Variants in DYSF observed in about 807,000 individuals in gnomAD.
The protein encoded by DYSF is dystrophy-associated fer-1-like 1.
A neutral mutation model predicts 274.9 loss-of-function variants in DYSF; 212 were observed. That is an observed-to-expected ratio of 0.77 (90% CI 0.69 to 0.86). The LOEUF (loss-of-function observed/expected upper bound fraction) is 0.86, where lower values mean the gene tolerates loss of function less well. Ranked by LOEUF, DYSF falls within the 40% of genes least tolerant of loss-of-function variation. The pLI is 0.00. For synonymous variants in DYSF, 1,091 were observed against 1,078.7 expected (o/e 1.01, Z -0.22); for missense variants, 2,666 against 2,783.2 (o/e 0.96, Z 0.95).
chr2:71,641,472 G>C (rs1356346060), intron 41 of DYSF, among the ~76,000 whole-genome samples: 2 of 151,990 alleles, frequency 1.3e-5, no homozygotes, highest in African/African-American at 4.8e-5. Flanking sequence ...CTATTTTAAT[G>C]GTCTTTTGAA....
At chr2:71,520,972 C>G in intron 12 of DYSF, 68 bp downstream of exon 12, 1 of 1,336,904 alleles carries the variant, frequency 7.5e-7, no homozygotes, top group Non-Finnish European at 1.1e-6. Flanking sequence ...GGCACCAAAC[C>G]ACAAACAAAA....
chr2:71,562,503 C>T (rs995687089), intron 23 of DYSF, among the ~76,000 whole-genome samples: 2 of 152,192 alleles, frequency 1.3e-5, no homozygotes, highest in African/African-American at 4.8e-5. Context: ...GCAGACCCTC[C>T]CCCTGAGGTC....
At chr2:71,572,550 C>T (rs1047962987) in intron 29 of DYSF, among the ~76,000 whole-genome samples, 2 of 152,250 alleles carry the variant, frequency 1.3e-5, no homozygotes, top group Admixed American at 6.5e-5. Flanking sequence ...GCAGTGCCCT[C>T]GGGAGTGTGA....
chr2:71,548,883 G>A (rs981787397), intron 17 of DYSF, among the ~76,000 whole-genome samples: 4 of 152,222 alleles, frequency 2.6e-5, no homozygotes, highest in Non-Finnish European at 4.4e-5. Flanking sequence ...TCCCAAGCAC[G>A]ACCTGCCTGC....
chr2:71,479,174 A>T (rs2082670470), intron 1 of DYSF, among the ~76,000 whole-genome samples: 2 of 77,232 alleles, frequency 2.6e-5, no homozygotes, highest in Admixed American at 1.5e-4. Flanking sequence ...GACCCAAATA[A>T]AAGTTCTGTG....
chr2:71,526,998 C>G (rs927306299), intron 13 of DYSF, among the ~76,000 whole-genome samples: 3 of 152,246 alleles, frequency 2.0e-5, no homozygotes, highest in African/African-American at 7.2e-5. Flanking sequence ...TGGCCCGATA[C>G]TAGACCCATC....
At chr2:71,533,194 A>G (rs2088942816) in intron 14 of DYSF, among the ~76,000 whole-genome samples, 1 of 152,050 alleles carries the variant, frequency 6.6e-6, no homozygotes, top group Admixed American at 6.6e-5. Context: ...TAACTTTTGT[A>G]TTTTTAGTAG....
chr2:71,463,603 G>GT (rs1333236977), upstream of DYSF, among the ~76,000 whole-genome samples: 1 of 152,372 alleles, frequency 6.6e-6, no homozygotes, highest in South Asian at 2.1e-4. Flanking sequence ...CAACTCCATA[G>GT]TATCATCCTG....
At chr2:71,646,329 G>T (rs566037723) in intron 42 of DYSF, among the ~76,000 whole-genome samples, 4 of 152,360 alleles carry the variant, frequency 2.6e-5, no homozygotes, top group Non-Finnish European at 5.9e-5. Context: ...GCCCCTCGCT[G>T]CTCCCTCAGG....
chr2:71,538,183 G>A (rs1573833741), intron 16 of DYSF, among the ~76,000 whole-genome samples: 1 of 152,360 alleles, frequency 6.6e-6, no homozygotes, highest in South Asian at 2.1e-4. Context: ...TAGTGCCGAT[G>A]TGAGAATGAG....
intron 42 of DYSF, among the ~76,000 whole-genome samples, chr2:71,652,994 T>C (rs865795704): frequency 2.5e-4 from 38 of 152,366 alleles, no homozygotes; most frequent in African/African-American, 8.9e-4. Flanking sequence ...ATAATCTTGC[T>C]ATGAAGACAT....
intron 30 of DYSF, among the ~76,000 whole-genome samples, chr2:71,577,511 ACT>A (rs979587533): frequency 5.5e-5 from 6 of 109,518 alleles, no homozygotes; most frequent in Admixed American, 9.3e-5. Flanking sequence ...ACACAGCCCC[ACT>A]CTCATGCAGC....
At chr2:71,601,642 C>T in intron 35 of DYSF, 114 bp downstream of exon 35, 1 of 1,411,368 alleles carries the variant, frequency 7.1e-7, no homozygotes, top group Admixed American at 1.8e-5. Flanking sequence ...GCCTCAAGCC[C>T]CCGGGGAAGC....
rs140199277 is a variant in DYSF at position 71,480,483 on chromosome 2, G to A, written c.92-400G>A. On this transcript the variant is annotated intron_variant, in intron 1 of 55. Transcript: ENST00000410020. Reference sequence around the variant, plus strand: ...GTGAGAGGATAGCTTGATCCCAGGAGTTTGAGGCTGCAGTGAGCTATGATC... The same window carrying A: ...GTGAGAGGATAGCTTGATCCCAGGAATTTGAGGCTGCAGTGAGCTATGATC... Among the ~76,000 whole-genome samples, 945 of 152,254 alleles carry A rather than the reference G, an allele frequency of 6.2e-3. 10 individuals are homozygous for A. Among genetic ancestry groups the A allele is most frequent in the African/African-American group, 0.02 (831 of 41,540 alleles).
At chr2:71,650,609 T>C (rs2094639557) in intron 42 of DYSF, among the ~76,000 whole-genome samples, 1 of 152,200 alleles carries the variant, frequency 6.6e-6, no homozygotes, top group Non-Finnish European at 1.5e-5. Flanking sequence ...TTTACTACAA[T>C]TGACCATGTA....
At chr2:71,519,714 G>A (rs2087029153) in intron 10 of DYSF, among the ~76,000 whole-genome samples, 1 of 151,008 alleles carries the variant, frequency 6.6e-6, no homozygotes, top group Admixed American at 6.6e-5. Context: ...GCATGATCTC[G>A]GCTCACTGCA....
chr2:71,543,623 G>A (rs1468632337), intron 17 of DYSF, among the ~76,000 whole-genome samples: 2 of 152,232 alleles, frequency 1.3e-5, no homozygotes, highest in Admixed American at 1.3e-4. Context: ...ACCTCAGGAG[G>A]CGGAGGCTGG....
rs146239766 is a variant in DYSF, at chr2:71,499,116, G to T, written c.240-4098G>T. On this transcript the variant is annotated intron_variant, in intron 3 of 55. Transcript: ENST00000410020. ...GTCCCTGATCTGCCCAGTTCTTGCT[G>T]TTCCCTAACAGGTAACCCCTCTTCT... Among the ~76,000 whole-genome samples, 13 of 152,352 alleles carry T rather than the reference G, an allele frequency of 8.5e-5. No homozygotes were observed. The East Asian group carries it at 2.5e-3, about 29-fold the overall frequency.
intron 38 of DYSF, among the ~76,000 whole-genome samples, 195 bp downstream of exon 38, chr2:71,611,821 G>A (rs2093769241): frequency 6.6e-6 from 1 of 152,160 alleles, no homozygotes; most frequent in South Asian, 2.1e-4. Flanking sequence ...AGGACAAACG[G>A]GGCCAACCTG....
Sources: allele counts gnomAD v4.1 joint callset (sites outside exome capture counted in the v4.1 genomes callset), GRCh38; gene constraint gnomAD v4.1.1; transcripts MANE v1.5; gene names NCBI Gene and HGNC (gene_info 2026-07-23, HGNC 2026-07-21).